RANBP17: variants seen among roughly 807,000 people sequenced by gnomAD.
RANBP17 encodes RAN binding protein 17.
In RANBP17, 158 loss-of-function variants were observed where a neutral mutation model predicts 141.2. The observed-to-expected ratio is 1.12, with a 90% CI of 0.98 to 1.28. The LOEUF is 1.28. Among genes scored for constraint, RANBP17 ranks in the 50% most tolerant of loss-of-function variants. RANBP17 has a pLI of 0.00. For missense variants in RANBP17, 1,438 were observed against 1,290.7 expected, an observed-to-expected ratio of 1.11 and a Z score of -1.75; for synonymous variants, 430 against 450.0, an observed-to-expected ratio of 0.96 and a Z score of 0.56.
intron 14 of RANBP17, among the ~76,000 whole-genome samples, chr5:171,005,134 A>G (rs1275730624): frequency 6.6e-6 from 1 of 152,084 alleles, no homozygotes; most frequent in Non-Finnish European, 1.5e-5. Flanking sequence ...TATTAAGAAT[A>G]AGGCGGCCTT....
At position 171,208,166 on chromosome 5, in the gene RANBP17, A is replaced by G. The variant is rs531887325; in HGVS notation, c.2231+2554A>G. ...ATCCTGTAAGAGCACATGTCATCTT[A>G]AAGTCAAAATGCATTTTATTTATGG... is the stretch of plus-strand genomic sequence containing the variant. On this transcript the variant is annotated intron_variant, in intron 20 of 27. Transcript: ENST00000523189. 1.4e-3 allele frequency among the ~76,000 whole-genome samples: 211 copies of G among 152,314 alleles called. 1 individual carries two copies. The highest frequency in any genetic ancestry group is 4.6e-3 in the African/African-American group (191 of 41,584).
rs1765616355 is a variant in RANBP17, at chr5:171,252,189, TG to T, written c.2776+9370del. ...CAACTACATGCAACAAGATCCCCCA[TG>T]AATTCTTAAATTACCTACTAAATAC... On this transcript the variant is annotated intron_variant, in intron 24 of 27. Transcript: ENST00000523189. 3 of 1,581,958 alleles carry T rather than the reference TG, an allele frequency of 1.9e-6. No individual in the cohort carries two copies. The South Asian group carries it at 3.4e-5, about 18-fold the overall frequency.
At chr5:170,971,317 C>G (rs1377081837) in intron 14 of RANBP17, among the ~76,000 whole-genome samples, 1 of 152,182 alleles carries the variant, frequency 6.6e-6, no homozygotes, top group African/African-American at 2.4e-5. Flanking sequence ...AAGTCTGTGT[C>G]AAATACTTTG....
intron 1 of RANBP17, among the ~76,000 whole-genome samples, chr5:170,873,086 A>G (rs1170910599): frequency 6.6e-6 from 1 of 151,882 alleles, no homozygotes; most frequent in African/African-American, 2.4e-5. Context: ...TGATTTTTGT[A>G]TTTTAGTAGA....
chr5:171,207,562 A>G (rs982606577), intron 20 of RANBP17: 10 of 152,296 alleles, frequency 6.6e-5, no homozygotes, highest in Admixed American at 6.5e-4. Flanking sequence ...CCATTTGACC[A>G]TAGATGTTGA....
chr5:171,242,681 G>A lies in RANBP17; in HGVS notation c.2638-1G>A. ...ACATTTAGTATATCTCTGTGTTGTA[G>A]CAATACCGGAAACTGAGCCAGTCTT... is the stretch of plus-strand genomic sequence containing the variant. On this transcript the variant is annotated splice_acceptor_variant, in intron 23 of 27. Coordinates refer to ENST00000523189, the MANE Select transcript of RANBP17 (RefSeq NM_022897.5). LOFTEE classifies it high-confidence loss of function. 1 of 1,612,868 alleles carries A rather than the reference G, an allele frequency of 6.2e-7. No individual in the cohort carries two copies.
intron 14 of RANBP17, among the ~76,000 whole-genome samples, chr5:171,031,512 A>G (rs1019873407): frequency 6.6e-6 from 1 of 152,002 alleles, no homozygotes; most frequent in African/African-American, 2.4e-5. Flanking sequence ...TGGAGATGAT[A>G]TGCTGAAATT....
chr5:171,269,250 C>T (rs1766942536), intron 25 of RANBP17, among the ~76,000 whole-genome samples: 1 of 152,106 alleles, frequency 6.6e-6, no homozygotes, highest in Admixed American at 6.6e-5. Flanking sequence ...CAGTTTCTGT[C>T]GTCTCAAAAG....
chr5:171,268,450 C>G (rs1357090849), intron 25 of RANBP17, among the ~76,000 whole-genome samples: 3 of 152,054 alleles, frequency 2.0e-5, no homozygotes, highest in African/African-American at 7.2e-5. Context: ...CTACTCACAC[C>G]ATTGGTATTC....
intron 19 of RANBP17, among the ~76,000 whole-genome samples, chr5:171,200,545 CTGAT>C (rs1336574232): frequency 6.6e-6 from 1 of 152,116 alleles, no homozygotes; most frequent in East Asian, 1.9e-4. Context: ...TAAATTGACA[CTGAT>C]TATTATTTTT....
intron 14 of RANBP17, among the ~76,000 whole-genome samples, chr5:171,051,702 T>G (rs1782961133): frequency 6.6e-6 from 1 of 152,168 alleles, no homozygotes; most frequent in African/African-American, 2.4e-5. Flanking sequence ...TGTAAACATT[T>G]TTTTACAAGT....
intron 14 of RANBP17, among the ~76,000 whole-genome samples, chr5:171,038,291 A>G (rs1055308987): frequency 6.6e-6 from 1 of 152,026 alleles, no homozygotes; most frequent in East Asian, 1.9e-4. Context: ...CTTTTTGTAC[A>G]TTAATTTTTG....
At chr5:171,291,470 A>G (rs1192571874) in intron 25 of RANBP17, among the ~76,000 whole-genome samples, 4 of 152,226 alleles carry the variant, frequency 2.6e-5, no homozygotes, top group Non-Finnish European at 5.9e-5. Context: ...CAGCTCACGC[A>G]GCCATTCCTT....
At chr5:171,263,778 T>G (rs191998467) in intron 24 of RANBP17, among the ~76,000 whole-genome samples, 3 of 152,300 alleles carry the variant, frequency 2.0e-5, no homozygotes, top group Admixed American at 2.0e-4. Flanking sequence ...AGAAGGTGTT[T>G]TAGCCTGGGC....
intron 14 of RANBP17, among the ~76,000 whole-genome samples, chr5:171,090,169 C>G (rs1257591332): frequency 1.3e-5 from 2 of 152,166 alleles, no homozygotes; most frequent in African/African-American, 4.8e-5. Context: ...TCCCTAGAGA[C>G]TTGTTGAATG....
intron 14 of RANBP17, among the ~76,000 whole-genome samples, chr5:171,102,560 G>C (rs1481706069): frequency 6.6e-6 from 1 of 151,968 alleles, no homozygotes; most frequent in Admixed American, 6.6e-5. Context: ...GCTCAGAGGA[G>C]TTTGTTATTA....
chr5:171,217,130 A>T (rs1489070780), intron 21 of RANBP17, among the ~76,000 whole-genome samples: 2 of 152,110 alleles, frequency 1.3e-5, no homozygotes, highest in East Asian at 3.9e-4. Context: ...AGGGATGTTG[A>T]ATTTTATCGA....
At chr5:171,136,317 T>C (rs1757274310) in intron 14 of RANBP17, among the ~76,000 whole-genome samples, 1 of 152,180 alleles carries the variant, frequency 6.6e-6, no homozygotes, top group African/African-American at 2.4e-5. Context: ...GAATATCAAC[T>C]GGATGTTCAT....
chr5:171,055,667 A>T (rs1783292732), intron 14 of RANBP17, among the ~76,000 whole-genome samples: 1 of 152,018 alleles, frequency 6.6e-6, no homozygotes. Context: ...TTCCAAGATA[A>T]CTTGGGGCTT....
Sources: allele counts gnomAD v4.1 joint callset (sites outside exome capture counted in the v4.1 genomes callset), GRCh38; gene constraint gnomAD v4.1.1; transcripts MANE v1.5; gene names NCBI Gene and HGNC (gene_info 2026-07-23, HGNC 2026-07-21).